The following ACTR1B variants were observed in gnomAD, a reference collection of about 807,000 sequenced individuals.
ACTR1B encodes the protein beta-centractin.
In ACTR1B, 34 loss-of-function variants were observed where a neutral mutation model predicts 49.4. That is an observed-to-expected ratio of 0.69 (90% CI 0.52 to 0.92). The LOEUF (loss-of-function observed/expected upper bound fraction) is 0.92. Ranked by LOEUF, ACTR1B falls within the 40% of genes least tolerant of loss-of-function variation. The pLI is 0.00. For missense variants in ACTR1B, 471 were observed against 522.4 expected (o/e 0.90, Z 0.96); for synonymous variants, 207 against 207.8 (o/e 1.00, Z 0.03).
chr2:97,660,719 C>T, intron 2 of ACTR1B, 73 bp from the exon 3 acceptor site: 2 of 1,460,438 alleles, frequency 1.4e-6, no homozygotes, highest in South Asian at 2.3e-5. Context: ...AACCGAAATC[C>T]AACCATAGTC....
chr2:97,657,833 G>T (rs1674884160), intron 8 of ACTR1B, 110 bp downstream of exon 8: 2 of 1,334,548 alleles, frequency 1.5e-6, no homozygotes, highest in Non-Finnish European at 2.1e-6. Context: ...AATGTTCATT[G>T]AGCACCACCA....
Position 97,663,930 on chromosome 2 carries a change from G to C in ACTR1B, c.-40C>G. On this transcript the variant is annotated 5_prime_UTR_variant, in exon 1 of 11. Coordinates refer to ENST00000289228, the MANE Select transcript of ACTR1B (RefSeq NM_005735.4). The stretch of plus-strand genomic sequence containing the variant: ...GGCCCTGCCCAGCAGGCGGGCTGCA[G>C]GAGGCACCGGATGGGCGGGCGGGCG... 4.1e-6 allele frequency: 5 copies of C among 1,231,030 alleles called. No homozygotes were observed. The highest frequency in any genetic ancestry group is 4.2e-6 in the Non-Finnish European group (4 of 961,872). The allele number at this position is 1,231,030 out of a possible 1,614,324, so 76.3% of individuals were successfully genotyped here.
At chr2:97,657,280 A>C in intron 9 of ACTR1B, 88 bp from the exon 10 acceptor site, 1 of 1,560,864 alleles carries the variant, frequency 6.4e-7, no homozygotes, top group South Asian at 1.1e-5. Flanking sequence ...CAGGTCCTGA[A>C]GCCTGACAGC....
chr2:97,662,311 G>A (rs1159543899), intron 1 of ACTR1B, among the ~76,000 whole-genome samples: 1 of 151,986 alleles, frequency 6.6e-6, no homozygotes, highest in Non-Finnish European at 1.5e-5. Context: ...AACCACGAAG[G>A]GCACCTTCCT....
At position 97,658,525 on chromosome 2, in the gene ACTR1B, C is replaced by T. The variant is rs763953615; in HGVS notation, c.559G>A (p.Gly187Ser). The change falls in exon 6 of 11, where the codon GGC becomes AGC. Residue 187 changes from glycine (G) to serine (S), a missense_variant. Coordinates refer to ENST00000289228, the MANE Select transcript of ACTR1B (RefSeq NM_005735.4). This position sits in a 1 kb window ranked among gnomAD's most constrained non-coding sequence, Gnocchi z 5.9. ...CGGAGGTAGCGGGAGACGTCGCGGC[C>T]GGCAATGTCCACCCGCATGATGGAG... ...PHSIMRVDIA[G>S]RDVSRYLRLL... 6.2e-6 allele frequency: 10 copies of T among 1,613,998 alleles called. No homozygotes were observed. In the African/African-American group the frequency reaches 8.0e-5, roughly 13 times the overall value.
rs1363506343 is a variant in ACTR1B at position 97,656,860 on chromosome 2, A to G, written c.1129T>C (p.Ter377GlnextTer29). The G allele has an allele frequency of 6.3e-7, 1 of 1,578,494 alleles. No homozygotes were observed. Among genetic ancestry groups the G allele is most frequent in the South Asian group, 1.2e-5 (1 of 86,082 alleles). ...ACATGCCCCGCCCTCCTTGGGCACT[A>G]GAAAGTTTTGCGATGAATAGCACGG... ...GSRAIHRKTF[*>Q] Residue 377 changes from the stop codon to glutamine (Q), a stop_lost, in exon 11 of 11, where the codon TAG becomes CAG. Transcript: ENST00000289228.
In ACTR1B at chr2:97,658,606, A is replaced by C. The variant is rs1674924001; in HGVS notation, c.478T>G (p.Ser160Ala). The change falls in exon 6 of 11, where the codon TCA becomes GCA. Residue 160 changes from serine (S) to alanine (A), a missense_variant. By Grantham distance (99) the Ser-to-Ala change is moderately conservative (BLOSUM62 1). Coordinates refer to ENST00000289228, the MANE Select transcript of ACTR1B (RefSeq NM_005735.4). The surrounding 1 kb of genome is among the most constrained non-coding windows in gnomAD (Gnocchi z 5.9). ...TGRTTGVVLDSGDGVTHAVPI... is the reference protein window; with the variant it reads ...TGRTTGVVLDAGDGVTHAVPI... ...ACAGCATGAGTGACCCCGTCCCCTGAGTCTAGAACCACTCCTGTCGTGCGT... is the reference window on the plus strand; with the variant it reads ...ACAGCATGAGTGACCCCGTCCCCTGCGTCTAGAACCACTCCTGTCGTGCGT... 1 of 1,613,844 alleles carries C rather than the reference A, an allele frequency of 6.2e-7. No individual in the cohort carries two copies. The highest frequency in any genetic ancestry group is 8.5e-7 in the Non-Finnish European group (1 of 1,179,982).
At position 97,659,045 on chromosome 2, in the gene ACTR1B, T is replaced by C. The variant is rs1316279137; in HGVS notation, c.316-42A>G. On this transcript the variant is annotated intron_variant, in intron 4 of 10. Coordinates refer to ENST00000289228, the MANE Select transcript of ACTR1B (RefSeq NM_005735.4). This position sits in a 1 kb window ranked among gnomAD's most constrained non-coding sequence, Gnocchi z 4.0. ...AGTTGTAGGCATCAGAGGAGGCAAC[T>C]TGCAAGGCCCTAAAAGGCTCTTTCC... 3 of 1,612,838 alleles carry C rather than the reference T, an allele frequency of 1.9e-6. No individual in the cohort carries two copies. Among genetic ancestry groups the C allele is most frequent in the Non-Finnish European group, 2.5e-6 (3 of 1,179,556 alleles).
rs1364855704 is a variant in ACTR1B at position 97,658,512 on chromosome 2, G to C, written c.572C>G (p.Ser191Cys). The C allele has an allele frequency of 3.1e-6, 5 of 1,614,116 alleles. No individual in the cohort carries two copies. Among genetic ancestry groups the C allele is most frequent in the Non-Finnish European group, 4.2e-6 (5 of 1,180,016 alleles). Residue 191 changes from serine to cysteine, a missense_variant, in exon 6 of 11, where the codon TCC (serine) becomes TGC (cysteine). Coordinates refer to ENST00000289228, the MANE Select transcript of ACTR1B (RefSeq NM_005735.4). The surrounding 1 kb of genome is among the most constrained non-coding windows in gnomAD (Gnocchi z 5.9). ...GCGCAGCAGGAGTCGGAGGTAGCGG[G>C]AGACGTCGCGGCCGGCAATGTCCAC... ...MRVDIAGRDV[S>C]RYLRLLLRKE...
chr2:97,661,798 C>A, intron 2 of ACTR1B, 84 bp downstream of exon 2: 1 of 1,409,352 alleles, frequency 7.1e-7, no homozygotes, highest in South Asian at 1.2e-5. Context: ...CACAAATTGT[C>A]TTCAAAGAGC....
At chr2:97,661,703 A>G (rs1675014051) in intron 2 of ACTR1B, among the ~76,000 whole-genome samples, 179 bp downstream of exon 2, 5 of 152,200 alleles carry the variant, frequency 3.3e-5, no homozygotes. Flanking sequence ...GACAAAGGGG[A>G]ACCCTAGAAC....
At chr2:97,657,051 A>G in intron 10 of ACTR1B, 91 bp from the exon 11 acceptor site, 1 of 1,582,240 alleles carries the variant, frequency 6.3e-7, no homozygotes, top group Non-Finnish European at 8.6e-7. Context: ...CTAATTTGGG[A>G]GGGAAATCCA....
In ACTR1B at chr2:97,659,367, C is replaced by T; in HGVS notation, c.300G>A (p.Gln100=). Residue 100 remains glutamine, a synonymous_variant, in exon 4 of 11, where the codon CAG becomes CAA. Coordinates refer to ENST00000289228, the MANE Select transcript of ACTR1B (RefSeq NM_005735.4). This position sits in a 1 kb window ranked among gnomAD's most constrained non-coding sequence, Gnocchi z 4.0. The part of the protein sequence containing the change: ...WQYVYSKDQL[Q]TFSEEHPVLL... ...GCCGCCACACCTCCTCCGAGAAGGT[C>T]TGCAGCTGATCCTTGGAGTAGACGT... 6.2e-7 allele frequency: 1 copy of T among 1,614,080 alleles called. No individual in the cohort carries two copies. The highest frequency in any genetic ancestry group is 1.1e-5 in the South Asian group (1 of 91,082).
At chr2:97,657,636 G>A (rs1341735143) in intron 8 of ACTR1B, 127 bp from the exon 9 acceptor site, 2 of 1,052,772 alleles carry the variant, frequency 1.9e-6, no homozygotes, top group African/African-American at 1.6e-5. Context: ...CAGGATGAAG[G>A]GCAAGGCTGA....
chr2:97,659,574 CTCACCTGCCCTGACCAG>C lies in ACTR1B; in HGVS notation c.190-114_190-98del. On this transcript the variant is annotated intron_variant, in intron 3 of 10. Transcript: ENST00000289228. The surrounding 1 kb of genome is among the most constrained non-coding windows in gnomAD (Gnocchi z 4.0). ...GACCCTCACCTGCCCTGACCAGAAC[CTCACCTGCCCTGACCAG>C]AACCACCCCTGCTCACTGGGTGTCC... is the stretch of plus-strand genomic sequence containing the variant. The C allele has an allele frequency of 7.2e-7, 1 of 1,392,006 alleles. No homozygotes were observed. Among genetic ancestry groups the C allele is most frequent in the Non-Finnish European group, 1.0e-6 (1 of 1,000,502 alleles). 86.2% of individuals were successfully genotyped at this position (1,392,006 alleles called of 1,614,324 possible). A position where few individuals can be genotyped will look rare whatever the true frequency, so the allele number is the denominator to read the frequency against.
intron 9 of ACTR1B, 126 bp downstream of exon 9, chr2:97,657,322 C>T: frequency 6.7e-7 from 1 of 1,500,500 alleles, no homozygotes; most frequent in Non-Finnish European, 9.3e-7. Context: ...GCAGCAGCAG[C>T]CTTGGGAAGA....
Position 97,657,153 on chromosome 2 carries a change from C to T in ACTR1B, c.1027G>A (p.Gly343Ser). The part of the protein sequence containing the change: ...PQERLYSTWI[G>S]GSILASLDTF... Reference sequence around the variant, plus strand: ...GCCCTCCCTTGAGCCCCGCCTCACCCAATCCATGTGGAGTACAGCCGTTCC... The same window carrying T: ...GCCCTCCCTTGAGCCCCGCCTCACCTAATCCATGTGGAGTACAGCCGTTCC... The change falls in exon 10 of 11, where the codon GGC becomes AGC. Residue 343 changes from glycine (G) to serine (S), a missense_variant and splice_region_variant. Gly to Ser is a moderately conservative substitution (Grantham distance 56). Transcript: ENST00000289228. The T allele has an allele frequency of 6.2e-7, 1 of 1,613,550 alleles. No individual in the cohort carries two copies. Among genetic ancestry groups the T allele is most frequent in the Non-Finnish European group, 8.5e-7 (1 of 1,179,730 alleles).
chr2:97,663,215 A>G (rs913165943), intron 1 of ACTR1B, among the ~76,000 whole-genome samples: 2 of 152,180 alleles, frequency 1.3e-5, no homozygotes, highest in Admixed American at 1.3e-4. Context: ...AGGCTTCCAA[A>G]CGATCACCCC....
Position 97,658,467 on chromosome 2 carries a change from T to C in ACTR1B, c.617A>G (p.His206Arg), listed in dbSNP as rs1239249630. 1 of 1,614,132 alleles carries C rather than the reference T, an allele frequency of 6.2e-7. No homozygotes were observed. The highest frequency in any genetic ancestry group is 1.1e-5 in the South Asian group (1 of 91,080). Residue 206 changes from histidine to arginine, a missense_variant, in exon 6 of 11, where the codon CAT becomes CGT. Physicochemically the swap from His to Arg is conservative, Grantham distance 29 (BLOSUM62 0). Coordinates refer to ENST00000289228, the MANE Select transcript of ACTR1B (RefSeq NM_005735.4). The surrounding 1 kb of genome is among the most constrained non-coding windows in gnomAD (Gnocchi z 5.9). Reference sequence around the variant, plus strand: ...GACAACCTCAAACTCAGCCGAGGTATGGAAGTCAACCCCTTCCTTGCGCAG... The same window carrying C: ...GACAACCTCAAACTCAGCCGAGGTACGGAAGTCAACCCCTTCCTTGCGCAG... ...LLLRKEGVDF[H>R]TSAEFEVVRT... is the part of the protein sequence containing the mutation.
Sources: gnomAD v4.1 joint callset for allele counts (sites outside exome capture counted in the v4.1 genomes callset) on GRCh38, gnomAD v4.1.1 for gene constraint, Gnocchi (gnomAD v3.1) non-coding constraint, MANE v1.5 for transcripts, NCBI Gene and HGNC (gene_info 2026-07-23, HGNC 2026-07-21) for gene names.